HDX: variants seen among roughly 807,000 people sequenced by gnomAD.
HDX encodes chromosome X open reading frame 43.
In HDX, 19 loss-of-function variants were observed where a neutral mutation model predicts 45.2. The ratio of observed to expected loss-of-function variants is 0.42; its 90% CI spans 0.29 to 0.62. HDX has a LOEUF of 0.62. Among genes scored for constraint, HDX ranks in the 20% least tolerant of loss-of-function variants. HDX has a pLI of 0.20. For synonymous variants in HDX, 188 were observed against 172.8 expected, an observed-to-expected ratio of 1.09 and a Z score of -0.69; for missense variants, 532 against 493.9, an observed-to-expected ratio of 1.08 and a Z score of -0.73.
chrX:84,325,708 T>A (rs1297693889), intron 10 of HDX, among the ~76,000 whole-genome samples: 1 of 111,788 alleles, frequency 8.9e-6, no homozygotes, highest in Non-Finnish European at 1.9e-5. Context: ...AATTTCATAT[T>A]TTCTTAGTGA....
At chrX:84,380,647 T>TA (rs2147902410) in intron 5 of HDX, among the ~76,000 whole-genome samples, 1 of 111,365 alleles carries the variant, frequency 9.0e-6, no homozygotes, top group East Asian at 2.8e-4. Flanking sequence ...CAATTAATGC[T>TA]AAAAAAGCAC....
chrX:84,334,344 A>G (rs1224143035), intron 8 of HDX, among the ~76,000 whole-genome samples: 1 of 111,067 alleles, frequency 9.0e-6, no homozygotes, highest in African/African-American at 3.3e-5. Context: ...CTTGACAACT[A>G]ATTAAAAGCA....
At chrX:84,325,548 A>G (rs1158252263) in intron 10 of HDX, among the ~76,000 whole-genome samples, 1 of 111,997 alleles carries the variant, frequency 8.9e-6, no homozygotes, top group Non-Finnish European at 1.9e-5. Context: ...GAGACACAAA[A>G]TATAATTTGG....
chrX:84,322,020 T>C lies in HDX; in HGVS notation c.1948-6A>G, dbSNP rs772589688. 2 of 1,124,543 alleles carry C rather than the reference T, an allele frequency of 1.8e-6. No individual in the cohort carries two copies. Among genetic ancestry groups the C allele is most frequent in the Non-Finnish European group, 2.4e-6 (2 of 838,208 alleles). 92.7% of individuals were successfully genotyped at this position (1,124,543 alleles called of 1,213,427 possible). On this transcript the variant is annotated splice_polypyrimidine_tract_variant and splice_region_variant and intron_variant, in intron 10 of 10. Transcript: ENST00000373177. ...GGTAAATCTGACAGCAGTGCCTGAA[T>C]AAAAAAAATAATATTTTTGGATTAG...
rs2036557732 is a variant in HDX, at chrX:84,319,408, C to T, written c.*2481G>A. ...ACAACTTTTCAAAGCTTGACCTTGA[C>T]ATCTTTTTCAAAGTCTACCATGAAT... is the stretch of plus-strand genomic sequence containing the variant. On this transcript the variant is annotated 3_prime_UTR_variant, in exon 11 of 11. Coordinates refer to ENST00000373177, the MANE Select transcript of HDX (RefSeq NM_001177479.2). The T allele has an allele frequency of 9.0e-6, 1 of 111,527 alleles. No homozygotes were observed. The highest frequency in any genetic ancestry group is 3.2e-5 in the African/African-American group (1 of 30,862). The allele number at this position is 111,527 out of a possible 1,213,427, so 9.2% of individuals were successfully genotyped here.
intron 1 of HDX, among the ~76,000 whole-genome samples, chrX:84,489,965 C>T (rs971181261): frequency 8.9e-6 from 1 of 112,099 alleles, no homozygotes; most frequent in Admixed American, 9.5e-5. Flanking sequence ...TTCAATTTCT[C>T]TAATTAAATA....
chrX:84,411,307 A>G (rs2038980924), intron 5 of HDX, among the ~76,000 whole-genome samples: 1 of 111,156 alleles, frequency 9.0e-6, no homozygotes, highest in Admixed American at 9.6e-5. Flanking sequence ...TGTGCTATAA[A>G]CATTCTTCTT....
At chrX:84,401,097 A>T (rs2038693560) in intron 5 of HDX, among the ~76,000 whole-genome samples, 1 of 111,849 alleles carries the variant, frequency 8.9e-6, no homozygotes, top group South Asian at 3.7e-4. Flanking sequence ...AACCATAAAA[A>T]CTCTAGATGA....
chrX:84,468,640 T>C lies in HDX; in HGVS notation c.1083A>G (p.Ser361=), dbSNP rs139816240. The change falls in exon 4 of 11, where the codon TCA becomes TCG. Residue 361 remains serine, a synonymous_variant. Coordinates refer to ENST00000373177, the MANE Select transcript of HDX (RefSeq NM_001177479.2). ...TTCTGTTTTGATACAGTACATTGTC[T>C]GACATATCTCTAATATTCACCATTT... ...NSQMVNIRDM[S]DNVLYQNRNY... is the part of the protein sequence containing the mutation. The C allele has an allele frequency of 5.6e-4, 674 of 1,206,416 alleles. 4 individuals are homozygous for C. The African/African-American group carries it at 0.011, about 19-fold the overall frequency.
At chrX:84,362,136 G>A (rs977726921) in intron 5 of HDX, among the ~76,000 whole-genome samples, 2 of 111,267 alleles carry the variant, frequency 1.8e-5, no homozygotes, top group Admixed American at 1.9e-4. Flanking sequence ...AATTAAAAAG[G>A]TAAATAAGAG....
intron 9 of HDX, among the ~76,000 whole-genome samples, chrX:84,333,284 T>C (rs1413215777): frequency 1.8e-5 from 2 of 111,542 alleles, no homozygotes; most frequent in African/African-American, 3.2e-5. Context: ...GAAAAGGTCA[T>C]CTGTATTCAT....
At chrX:84,345,868 A>G (rs2037191270) in intron 6 of HDX, among the ~76,000 whole-genome samples, 1 of 110,995 alleles carries the variant, frequency 9.0e-6, no homozygotes, top group Non-Finnish European at 1.9e-5. Context: ...CAAGTTCTTA[A>G]TGTTGGCCAT....
intron 4 of HDX, among the ~76,000 whole-genome samples, chrX:84,447,837 A>T (rs1309666199): frequency 9.0e-6 from 1 of 111,342 alleles, no homozygotes; most frequent in East Asian, 2.8e-4. Context: ...TAGCACCTTG[A>T]GAAAAGGCTG....
At chrX:84,326,616 A>G (rs1377088036) in intron 9 of HDX, among the ~76,000 whole-genome samples, 14 of 111,421 alleles carry the variant, frequency 1.3e-4, no homozygotes, top group Non-Finnish European at 2.6e-4. Flanking sequence ...CATTCAGATT[A>G]AGATTAAGAA....
rs1602238351 is a variant in HDX, at chrX:84,319,347, C to T, written c.*2542G>A. Reference sequence around the variant, plus strand: ...GCTCTAACATATCTCAAAACCAACTCCTATCTACATATGTAAAAAATATAC... The same window carrying T: ...GCTCTAACATATCTCAAAACCAACTTCTATCTACATATGTAAAAAATATAC... On this transcript the variant is annotated 3_prime_UTR_variant, in exon 11 of 11. Transcript: ENST00000373177. The T allele has an allele frequency of 1.8e-5, 2 of 110,891 alleles. No homozygotes were observed. The highest frequency in any genetic ancestry group is 5.6e-4 in the East Asian group (2 of 3,546). The allele number at this position is 110,891 out of a possible 1,213,427, so 9.1% of individuals were successfully genotyped here. A position where few individuals can be genotyped will look rare whatever the true frequency, so the allele number is the denominator to read the frequency against.
chrX:84,324,841 G>A (rs760396919), intron 10 of HDX, among the ~76,000 whole-genome samples: 1 of 110,520 alleles, frequency 9.0e-6, no homozygotes, highest in East Asian at 2.9e-4. Flanking sequence ...TCCTCTGCTT[G>A]TACCTAATTT....
chrX:84,435,837 A>C (rs1212182732), intron 5 of HDX, among the ~76,000 whole-genome samples: 1 of 97,843 alleles, frequency 1.0e-5, no homozygotes, highest in Non-Finnish European at 2.1e-5. Flanking sequence ...GTGGGACTGT[A>C]AACTAGTTCA....
intron 4 of HDX, among the ~76,000 whole-genome samples, chrX:84,464,916 A>C: frequency 8.9e-6 from 1 of 112,047 alleles, no homozygotes. Flanking sequence ...AAATTTTTGC[A>C]ATCTACTCAT....
At chrX:84,405,662 ATATGTG>A (rs1377623228) in intron 5 of HDX, among the ~76,000 whole-genome samples, 1 of 89,211 alleles carries the variant, frequency 1.1e-5, no homozygotes, top group East Asian at 4.0e-4. Context: ...ATATATATAT[ATATGTG>A]TGTGTGTGTG....
Sources: gnomAD v4.1 joint callset for allele counts (sites outside exome capture counted in the v4.1 genomes callset) on GRCh38, gnomAD v4.1.1 for gene constraint, MANE v1.5 for transcripts, NCBI Gene and HGNC (gene_info 2026-07-23, HGNC 2026-07-21) for gene names.